The following ENAH variants were observed in gnomAD, a reference collection of about 807,000 sequenced individuals.
ENAH encodes the protein ENAH actin regulator.
A neutral mutation model predicts 78.7 loss-of-function variants in ENAH; 23 were observed. The observed-to-expected ratio is 0.29, with a 90% CI of 0.21 to 0.41. The LOEUF (loss-of-function observed/expected upper bound fraction) is 0.41. Among genes scored for constraint, ENAH ranks in the 10% least tolerant of loss-of-function variants. ENAH has a pLI of 1.00. For missense variants in ENAH, 544 were observed against 691.0 expected, an observed-to-expected ratio of 0.79 and a Z score of 2.39; for synonymous variants, 226 against 241.0, an observed-to-expected ratio of 0.94 and a Z score of 0.58.
chr1:225,636,831 G>GT (rs917037498), intron 1 of ENAH, among the ~76,000 whole-genome samples: 5 of 151,992 alleles, frequency 3.3e-5, no homozygotes, highest in Admixed American at 1.3e-4. Context: ...TTTATACTCC[G>GT]TTTTTTTAAG....
intron 1 of ENAH, among the ~76,000 whole-genome samples, chr1:225,608,815 C>CA (rs928281132): frequency 0.18 from 3,574 of 20,246 alleles, 567 homozygotes; most frequent in African/African-American, 0.21. Context: ...GACTCTGTCT[C>CA]AAAAAAAAAA....
rs557157421 is a variant in ENAH at position 225,492,154 on chromosome 1, G to A, written c.*5621C>T. 6.0e-5 allele frequency: 9 copies of A among 151,196 alleles called. No homozygotes were observed. The highest frequency in any genetic ancestry group is 1.9e-4 in the African/African-American group (8 of 41,134). 9.4% of individuals were successfully genotyped at this position (151,196 alleles called of 1,614,324 possible). ...GGCTGGAGTACAGTGGCATGATAAC[G>A]GCTCACTGCAGCCGCGTCCTCCCTG... On this transcript the variant is annotated 3_prime_UTR_variant, in exon 14 of 14. Transcript: ENST00000366843.
At chr1:225,531,604 T>C (rs1226544532) in intron 3 of ENAH, among the ~76,000 whole-genome samples, 2 of 152,142 alleles carry the variant, frequency 1.3e-5, no homozygotes, top group Non-Finnish European at 2.9e-5. Flanking sequence ...ACACTACATA[T>C]ATTTGTGAAT....
chr1:225,614,966 A>G (rs1054066061), intron 1 of ENAH, among the ~76,000 whole-genome samples: 2 of 152,100 alleles, frequency 1.3e-5, no homozygotes, highest in Non-Finnish European at 2.9e-5. Context: ...CCTTAAGAGT[A>G]ATACTTTTCT....
At chr1:225,512,101 C>T (rs962525107) in intron 9 of ENAH, among the ~76,000 whole-genome samples, 4 of 152,150 alleles carry the variant, frequency 2.6e-5, no homozygotes, top group African/African-American at 9.7e-5. Flanking sequence ...CTAGCCAATG[C>T]TACAAAGCCA....
chr1:225,650,848 T>TAA (rs746549168), intron 1 of ENAH, among the ~76,000 whole-genome samples: 5,721 of 58,846 alleles, frequency 0.097, 513 homozygotes, highest in African/African-American at 0.11. Flanking sequence ...AGACTGCATT[T>TAA]AAAAAAAAAA....
chr1:225,568,465 T>C (rs2096745291), intron 1 of ENAH, among the ~76,000 whole-genome samples: 1 of 152,226 alleles, frequency 6.6e-6, no homozygotes, highest in African/African-American at 2.4e-5. Flanking sequence ...ATCAACTCTA[T>C]GCTATTAACC....
chr1:225,563,226 T>C (rs978312351), intron 2 of ENAH, among the ~76,000 whole-genome samples: 1 of 152,194 alleles, frequency 6.6e-6, no homozygotes, highest in Non-Finnish European at 1.5e-5. Context: ...GACAATTACA[T>C]CATTGGTGAG....
chr1:225,549,592 AT>A (rs2096631945), intron 3 of ENAH, among the ~76,000 whole-genome samples: 2 of 152,206 alleles, frequency 1.3e-5, no homozygotes, highest in Admixed American at 6.5e-5. Flanking sequence ...GTAAGTGCCA[AT>A]CTCATTTCTA....
intron 1 of ENAH, among the ~76,000 whole-genome samples, chr1:225,632,440 G>A (rs115004308): frequency 0.043 from 6,438 of 149,810 alleles, 221 homozygotes; most frequent in South Asian, 0.1. Context: ...GGAGGCTGCA[G>A]AGAGCCAAGA....
intron 1 of ENAH, among the ~76,000 whole-genome samples, chr1:225,636,878 C>T (rs1660153011): frequency 1.3e-5 from 2 of 151,406 alleles, no homozygotes; most frequent in African/African-American, 2.4e-5. Flanking sequence ...AAGAGCTAGT[C>T]GACAAAAACT....
At chr1:225,555,215 T>C (rs2096660174) in intron 2 of ENAH, 132 bp from the exon 3 acceptor site, 4 of 655,588 alleles carry the variant, frequency 6.1e-6, no homozygotes, top group Non-Finnish European at 7.2e-6. Context: ...TAAACAATTA[T>C]CTGGGTAAAA....
intron 3 of ENAH, among the ~76,000 whole-genome samples, chr1:225,531,894 T>C (rs2096539469): frequency 6.6e-6 from 1 of 152,044 alleles, no homozygotes. Flanking sequence ...CAAATGTTTT[T>C]AGATTAATCA....
intron 3 of ENAH, among the ~76,000 whole-genome samples, chr1:225,549,692 T>G (rs921552783): frequency 1.3e-5 from 2 of 152,218 alleles, no homozygotes; most frequent in African/African-American, 4.8e-5. Context: ...ACACAGAAGG[T>G]GACCAATAAA....
At chr1:225,560,934 T>C (rs898193253) in intron 2 of ENAH, among the ~76,000 whole-genome samples, 4 of 152,226 alleles carry the variant, frequency 2.6e-5, no homozygotes, top group African/African-American at 4.8e-5. Context: ...CTTTTTCCAA[T>C]ATAAAAATTT....
chr1:225,627,666 A>T (rs566768232), intron 1 of ENAH, among the ~76,000 whole-genome samples: 17 of 152,216 alleles, frequency 1.1e-4, no homozygotes, highest in Non-Finnish European at 2.1e-4. Flanking sequence ...AAATTATCTA[A>T]CAAGTTCTTA....
At position 225,489,650 on chromosome 1, in the gene ENAH, GAACTC is replaced by G. The variant is rs894433652; in HGVS notation, c.*8120_*8124del. On this transcript the variant is annotated 3_prime_UTR_variant, in exon 14 of 14. Transcript: ENST00000366843. The stretch of plus-strand genomic sequence containing the variant: ...AGAATACAGTGAAAGAGGAAATTCA[GAACTC>G]AACTTTATCGGGGATGGGCACGGTC... 5 of 152,120 alleles carry G rather than the reference GAACTC, an allele frequency of 3.3e-5. No homozygotes were observed. Among genetic ancestry groups the G allele is most frequent in the Non-Finnish European group, 7.4e-5 (5 of 68,012 alleles). 9.4% of individuals were successfully genotyped at this position (152,120 alleles called of 1,614,324 possible). A position where few individuals can be genotyped will look rare whatever the true frequency, so the allele number is the denominator to read the frequency against.
At chr1:225,640,982 G>A (rs1356444999) in intron 1 of ENAH, among the ~76,000 whole-genome samples, 4 of 143,442 alleles carry the variant, frequency 2.8e-5, no homozygotes, top group South Asian at 2.2e-4. Flanking sequence ...TGCAAGCTCC[G>A]CCTCCCGAGT....
chr1:225,518,821 G>A (rs2096442420), intron 5 of ENAH, among the ~76,000 whole-genome samples: 3 of 152,196 alleles, frequency 2.0e-5, no homozygotes, highest in Admixed American at 2.0e-4. Flanking sequence ...CTTGCTGAAT[G>A]GTACTACAGT....
Sources: allele counts gnomAD v4.1 joint callset (sites outside exome capture counted in the v4.1 genomes callset), GRCh38; gene constraint gnomAD v4.1.1; transcripts MANE v1.5; gene names NCBI Gene and HGNC (gene_info 2026-07-23, HGNC 2026-07-21).